The following KCNH7 variants were observed in gnomAD, a reference collection of about 807,000 sequenced individuals.
KCNH7 encodes potassium voltage-gated channel subfamily H member 7.
A neutral mutation model predicts 120.8 loss-of-function variants in KCNH7; 49 were observed. The observed-to-expected ratio is 0.41, with a 90% CI of 0.32 to 0.51. KCNH7 has a LOEUF of 0.51. Among genes scored for constraint, KCNH7 ranks in the 20% least tolerant of loss-of-function variants. KCNH7 has a pLI of 0.38. For synonymous variants in KCNH7, 547 were observed against 516.1 expected (o/e 1.06, Z -0.81); for missense variants, 1,097 against 1,446.6 (o/e 0.76, Z 3.92).
intron 1 of KCNH7, among the ~76,000 whole-genome samples, chr2:162,837,303 A>G (rs1264375044): frequency 6.6e-6 from 1 of 152,212 alleles, no homozygotes; most frequent in Non-Finnish European, 1.5e-5. Context: ...TAATGAAACT[A>G]CTTCATATTT....
At chr2:162,660,414 C>A (rs1684918091) in intron 2 of KCNH7, among the ~76,000 whole-genome samples, 1 of 152,088 alleles carries the variant, frequency 6.6e-6, no homozygotes, top group African/African-American at 2.4e-5. Context: ...ACTTGAGGAT[C>A]TTTCAGTTAT....
At chr2:162,805,129 T>G (rs553301094) in intron 2 of KCNH7, among the ~76,000 whole-genome samples, 1 of 151,706 alleles carries the variant, frequency 6.6e-6, no homozygotes, top group Non-Finnish European at 1.5e-5. Flanking sequence ...AACTAAAAAA[T>G]TATAGAGGAC....
intron 12 of KCNH7, among the ~76,000 whole-genome samples, chr2:162,390,922 A>G (rs1338969441): frequency 6.6e-6 from 1 of 152,044 alleles, no homozygotes; most frequent in African/African-American, 2.4e-5. Flanking sequence ...TTGAAAAATT[A>G]TATCTTATTC....
intron 2 of KCNH7, among the ~76,000 whole-genome samples, chr2:162,769,204 C>T (rs372962404): frequency 9.9e-5 from 15 of 152,034 alleles, no homozygotes; most frequent in African/African-American, 3.6e-4. Context: ...AACAACAGAC[C>T]TCCGCTCTCT....
chr2:162,679,494 C>A (rs1236861792), intron 2 of KCNH7, among the ~76,000 whole-genome samples: 2 of 151,602 alleles, frequency 1.3e-5, no homozygotes, highest in Non-Finnish European at 3.0e-5. Context: ...TTATTCTATA[C>A]TAATGCATCC....
chr2:162,396,688 G>T, intron 11 of KCNH7, 52 bp downstream of exon 11: 1 of 1,324,860 alleles, frequency 7.5e-7, no homozygotes, highest in South Asian at 1.3e-5. Context: ...TGCAATTCAA[G>T]AATAAAATAA....
chr2:162,721,016 T>A (rs1399101364), intron 2 of KCNH7, among the ~76,000 whole-genome samples: 1 of 152,100 alleles, frequency 6.6e-6, no homozygotes, highest in African/African-American at 2.4e-5. Context: ...GCTTGCAGAT[T>A]TCTGAGGTAT....
At chr2:162,631,850 G>A (rs1008328335) in intron 2 of KCNH7, among the ~76,000 whole-genome samples, 6 of 151,830 alleles carry the variant, frequency 4.0e-5, no homozygotes, top group African/African-American at 9.7e-5. Context: ...ATTAAAGCTC[G>A]GCAAGAAATT....
rs148068317 is a variant in KCNH7, at chr2:162,646,981, T to G, written c.308-109901A>C. ...ATTGTTTTAACCTGATCTGATAACCTTGTGGTAATTCATTACCCAGCAATA... is the reference window on the plus strand; with the variant it reads ...ATTGTTTTAACCTGATCTGATAACCGTGTGGTAATTCATTACCCAGCAATA... On this transcript the variant is annotated intron_variant, in intron 2 of 15. Transcript: ENST00000332142. Among the ~76,000 whole-genome samples the G allele has an allele frequency of 3.5e-4, 54 of 152,288 alleles. No homozygotes were observed. In the East Asian group the frequency reaches 9.5e-3, roughly 27 times the overall value.
chr2:162,804,973 A>AT (rs1283464295), intron 2 of KCNH7, among the ~76,000 whole-genome samples: 3 of 151,584 alleles, frequency 2.0e-5, no homozygotes, highest in Non-Finnish European at 4.4e-5. Context: ...TTCGACAAAC[A>AT]TAAGTTGGGG....
At chr2:162,421,546 T>C (rs1481799362) in intron 9 of KCNH7, among the ~76,000 whole-genome samples, 3 of 152,148 alleles carry the variant, frequency 2.0e-5, no homozygotes, top group African/African-American at 7.2e-5. Flanking sequence ...TTTAACAAGC[T>C]CTAAACCTGA....
At chr2:162,775,126 A>G (rs970622132) in intron 2 of KCNH7, among the ~76,000 whole-genome samples, 1 of 152,148 alleles carries the variant, frequency 6.6e-6, no homozygotes, top group Admixed American at 6.6e-5. Context: ...TTTGCTAGAA[A>G]TACACTACTC....
At chr2:162,695,976 C>G (rs974598665) in intron 2 of KCNH7, among the ~76,000 whole-genome samples, 1 of 152,098 alleles carries the variant, frequency 6.6e-6, no homozygotes, top group South Asian at 2.1e-4. Flanking sequence ...CCTAACTATT[C>G]CTAAAAACTC....
rs916759169 is a variant in KCNH7, at chr2:162,536,983, A to G, written c.405T>C (p.Asn135=). The G allele has an allele frequency of 1.9e-6, 3 of 1,612,956 alleles. No homozygotes were observed. Among genetic ancestry groups the G allele is most frequent in the Non-Finnish European group, 2.5e-6 (3 of 1,179,256 alleles). The change falls in exon 3 of 16, where the codon AAT becomes AAC. Residue 135 remains asparagine (N), a synonymous_variant. Transcript: ENST00000332142. ...FIINFEYVTD[N]ENAATPERVN... is the part of the protein sequence containing the mutation. ...CCCTCTCTGGGGTGGCAGCGTTTTC[A>G]TTATCCGTCACATATTCAAAATTAA...
At chr2:162,628,956 G>C (rs966972100) in intron 2 of KCNH7, among the ~76,000 whole-genome samples, 5 of 152,078 alleles carry the variant, frequency 3.3e-5, no homozygotes, top group African/African-American at 1.2e-4. Context: ...CACTCTTGGG[G>C]CAAGGCATAA....
chr2:162,574,541 ATTAC>A (rs1181880219), intron 2 of KCNH7, among the ~76,000 whole-genome samples: 1 of 152,110 alleles, frequency 6.6e-6, no homozygotes, highest in African/African-American at 2.4e-5. Context: ...ATAGACTGTA[ATTAC>A]TTTCTGAAAC....
chr2:162,648,793 T>C (rs1056515801), intron 2 of KCNH7, among the ~76,000 whole-genome samples: 4 of 152,104 alleles, frequency 2.6e-5, no homozygotes, highest in Admixed American at 6.6e-5. Context: ...TTTTGCTCAC[T>C]CTTGATTTAA....
At chr2:162,805,508 A>G (rs1265176580) in intron 2 of KCNH7, among the ~76,000 whole-genome samples, 1 of 152,186 alleles carries the variant, frequency 6.6e-6, no homozygotes, top group Non-Finnish European at 1.5e-5. Flanking sequence ...ATCATCAGGG[A>G]AATGCAAATT....
intron 2 of KCNH7, among the ~76,000 whole-genome samples, chr2:162,765,408 C>A (rs955301643): frequency 1.3e-5 from 2 of 152,078 alleles, no homozygotes; most frequent in Non-Finnish European, 2.9e-5. Context: ...CTTTGAATCT[C>A]GCTCTCTGCA....
Sources: gnomAD v4.1 joint callset for allele counts (sites outside exome capture counted in the v4.1 genomes callset) on GRCh38, gnomAD v4.1.1 for gene constraint, MANE v1.5 for transcripts, NCBI Gene and HGNC (gene_info 2026-07-23, HGNC 2026-07-21) for gene names.